Variants in MRO observed in about 807,000 individuals in gnomAD.
MRO encodes protein maestro.
Under a neutral mutation model 31.0 loss-of-function variants are expected in MRO, and 28 were observed. That is an observed-to-expected ratio of 0.90 (90% confidence interval 0.67 to 1.24). The LOEUF is 1.24. Ranked by LOEUF, MRO falls within the 50% of genes most tolerant of loss-of-function variation. MRO has a pLI of 0.00. For missense variants in MRO, 332 were observed against 289.2 expected, an observed-to-expected ratio of 1.15 and a Z score of -1.07; for synonymous variants, 108 against 108.4, an observed-to-expected ratio of 1.00 and a Z score of 0.02.
rs76594699 is a variant in MRO, at chr18:50,810,950, G to A, written c.-4-1546C>T. Among the ~76,000 whole-genome samples the A allele has an allele frequency of 7.1e-3, 1,088 of 152,300 alleles. 3 individuals carry two copies. Among genetic ancestry groups the A allele is most frequent in the East Asian group, 0.025 (132 of 5,184 alleles). On this transcript the variant is annotated intron_variant, in intron 2 of 7. Transcript: ENST00000398439. ...GAGGGGCATAAAGTTAAGAGCCACT[G>A]AAGTCGAGAGAGGACCGTGGGCTGG...
intron 2 of MRO, among the ~76,000 whole-genome samples, chr18:50,812,027 C>T (rs939368928): frequency 6.6e-6 from 1 of 152,272 alleles, no homozygotes; most frequent in South Asian, 2.1e-4. Context: ...AGGCGTTAGC[C>T]ACCTAGCCTG....
At chr18:50,806,411 C>T (rs986224730) in intron 4 of MRO, among the ~76,000 whole-genome samples, 2 of 152,202 alleles carry the variant, frequency 1.3e-5, no homozygotes, top group Admixed American at 6.5e-5. Context: ...ATTCTGCCAA[C>T]AACGATGTAA....
At chr18:50,802,007 T>G (rs1913383164) in intron 5 of MRO, among the ~76,000 whole-genome samples, 1 of 152,252 alleles carries the variant, frequency 6.6e-6, no homozygotes, top group South Asian at 2.1e-4. Flanking sequence ...CACATAATCC[T>G]TTCCCTCTTT....
At chr18:50,815,055 G>A (rs536436441) in intron 2 of MRO, 18 of 173,766 alleles carry the variant, frequency 1.0e-4, no homozygotes, top group Middle Eastern at 2.7e-3. Context: ...GCAAGACTTC[G>A]TCTCAAAAAA....
chr18:50,812,566 A>G (rs1914562120), intron 2 of MRO, among the ~76,000 whole-genome samples: 1 of 152,166 alleles, frequency 6.6e-6, no homozygotes, highest in South Asian at 2.1e-4. Flanking sequence ...TTTAGTGTTA[A>G]ATCTATGAAT....
At chr18:50,803,675 CA>C (rs1474629450) in intron 5 of MRO, among the ~76,000 whole-genome samples, 1 of 152,192 alleles carries the variant, frequency 6.6e-6, no homozygotes, top group Non-Finnish European at 1.5e-5. Context: ...CATTCAAGAG[CA>C]AAAATCCCTC....
intron 5 of MRO, among the ~76,000 whole-genome samples, chr18:50,804,751 C>A (rs559592496): frequency 5.3e-5 from 8 of 152,262 alleles, no homozygotes; most frequent in African/African-American, 1.9e-4. Flanking sequence ...ATACTAGAGA[C>A]CTTGTTCCCA....
chr18:50,815,406 C>G (rs956123857), intron 2 of MRO: 2 of 243,872 alleles, frequency 8.2e-6, no homozygotes, highest in African/African-American at 4.6e-5. Context: ...CAGGAGATGA[C>G]AGTGGATAGA....
At chr18:50,818,214 G>A (rs1289748655) in intron 2 of MRO, among the ~76,000 whole-genome samples, 8 of 152,066 alleles carry the variant, frequency 5.3e-5, no homozygotes, top group Non-Finnish European at 7.4e-5. Context: ...CCTCTCACCC[G>A]TAAGACAGGC....
rs1369371367 is a variant in MRO, at chr18:50,805,161, A to G, written c.422T>C (p.Leu141Ser). ...IDITLQTRTLLDDENDSLRYS... is the reference protein window; with the variant it reads ...IDITLQTRTLSDDENDSLRYS... The stretch of plus-strand genomic sequence containing the variant: ...TTTTTCTGATTTACTTACGTCATCT[A>G]ATAAAGTCCTGGTCTGAAGGGTGAT... The change falls in exon 5 of 8, where the codon TTA (leucine) becomes TCA (serine). Residue 141 changes from leucine (L) to serine (S), a missense_variant. Leu to Ser is a moderately radical substitution (Grantham distance 145). Transcript: ENST00000398439. The G allele has an allele frequency of 1.2e-6, 2 of 1,610,554 alleles. No individual in the cohort carries two copies. Among genetic ancestry groups the G allele is most frequent in the Non-Finnish European group, 1.7e-6 (2 of 1,177,246 alleles).
At chr18:50,821,929 A>G (rs1915318563), upstream of MRO, among the ~76,000 whole-genome samples, 1 of 152,192 alleles carries the variant, frequency 6.6e-6, no homozygotes, top group Non-Finnish European at 1.5e-5. Flanking sequence ...AGAATCCCAG[A>G]CACAGCACAA....
At position 50,809,417 on chromosome 18, in the gene MRO, CAA is replaced by C; in HGVS notation, c.-4-15_-4-14del. On this transcript the variant is annotated splice_polypyrimidine_tract_variant and intron_variant, in intron 2 of 7. Transcript: ENST00000398439. ...TTGGTCCATGGAACTAAAAACAAAA[CAA>C]AACAAAATCACATGCGCCACAGACA... The C allele has an allele frequency of 6.3e-7, 1 of 1,580,740 alleles. No individual in the cohort carries two copies. Among genetic ancestry groups the C allele is most frequent in the Non-Finnish European group, 8.7e-7 (1 of 1,151,368 alleles).
upstream of MRO, among the ~76,000 whole-genome samples, chr18:50,820,419 C>T (rs549370908): frequency 1.3e-5 from 2 of 152,298 alleles, no homozygotes; most frequent in African/African-American, 2.4e-5. Flanking sequence ...GCCCTCCTTC[C>T]CTGACTCTCC....
intron 2 of MRO, chr18:50,814,489 T>A (rs1312114374): frequency 5.5e-6 from 1 of 180,380 alleles, no homozygotes; most frequent in African/African-American, 2.4e-5. Context: ...TTTTGAGGAA[T>A]GGGGCACACC....
intron 2 of MRO, among the ~76,000 whole-genome samples, chr18:50,810,469 T>A (rs1914383004): frequency 1.3e-5 from 2 of 152,212 alleles, no homozygotes; most frequent in Non-Finnish European, 2.9e-5. Flanking sequence ...TGCTTGCATA[T>A]GCATAGGAGA....
At chr18:50,820,884 T>C (rs1305163845), upstream of MRO, among the ~76,000 whole-genome samples, 1 of 151,910 alleles carries the variant, frequency 6.6e-6, no homozygotes. Flanking sequence ...GAGTGGAAGA[T>C]GAAAGAAAAA....
In MRO at chr18:50,801,453, C is replaced by T. The variant is rs1250766770; in HGVS notation, c.481G>A (p.Ala161Thr). 2 of 1,612,654 alleles carry T rather than the reference C, an allele frequency of 1.2e-6. No individual in the cohort carries two copies. The highest frequency in any genetic ancestry group is 1.7e-6 in the Non-Finnish European group (2 of 1,179,294). Residue 161 changes from alanine (A) to threonine (T), a missense_variant, in exon 6 of 8, where the codon GCC (alanine) becomes ACC (threonine). Transcript: ENST00000398439. ...SAFVLFGQLA[A>T]FAGRKWKKFF... ...TTTTTCCATTTCCTCCCGGCAAAGG[C>T]AGCCAATTGCCCAAACAAAACAAAG...
rs1208048463 is a variant in MRO, at chr18:50,809,360, G to A, written c.41C>T (p.Ser14Phe). Residue 14 changes from serine to phenylalanine, a missense_variant, in exon 3 of 8, where the codon TCC (serine) becomes TTC (phenylalanine). Ser to Phe is a radical substitution (Grantham distance 155, BLOSUM62 -2). Coordinates refer to ENST00000398439, the MANE Select transcript of MRO (RefSeq NM_031939.6). ...RQRRILGQPL[S>F]IPTSQPKQKR... ...CTGCTTGGGCTGGGAAGTAGGGATG[G>A]AAAGGGGCTGGCCCAGGATTCTCCT... The A allele has an allele frequency of 1.2e-6, 2 of 1,613,834 alleles. No homozygotes were observed. The highest frequency in any genetic ancestry group is 1.7e-6 in the Non-Finnish European group (2 of 1,179,892).
intron 2 of MRO, chr18:50,814,251 T>C (rs1461848262): frequency 2.0e-5 from 3 of 151,418 alleles, no homozygotes; most frequent in East Asian, 1.9e-4. Context: ...AGCATACTTG[T>C]GAATTTTAAT....
Sources: gnomAD v4.1 joint callset for allele counts (sites outside exome capture counted in the v4.1 genomes callset) on GRCh38, gnomAD v4.1.1 for gene constraint, MANE v1.5 for transcripts, NCBI Gene and HGNC (gene_info 2026-07-23, HGNC 2026-07-21) for gene names.